The following CSRNP3 variants were observed in gnomAD, a reference collection of about 807,000 sequenced individuals.
The protein encoded by CSRNP3 is cysteine/serine-rich nuclear protein 3.
CSRNP3 carries 12 observed loss-of-function variants against 48.0 expected under a neutral mutation model. That is an observed-to-expected ratio of 0.25 (90% confidence interval 0.16 to 0.41). The LOEUF (loss-of-function observed/expected upper bound fraction) is 0.41, where lower values mean the gene tolerates loss of function less well. Among genes scored for constraint, CSRNP3 ranks in the 10% least tolerant of loss-of-function variants. The pLI is 1.00. For synonymous variants in CSRNP3, 263 were observed against 269.7 expected, an observed-to-expected ratio of 0.98 and a Z score of 0.24; for missense variants, 580 against 724.4, an observed-to-expected ratio of 0.80 and a Z score of 2.29.
Position 165,686,024 on chromosome 2 carries a change from A to C in CSRNP3, c.*6271A>C, listed in dbSNP as rs1230285616. The C allele has an allele frequency of 6.6e-6, 1 of 152,050 alleles. No homozygotes were observed. The highest frequency in any genetic ancestry group is 1.9e-4 in the East Asian group (1 of 5,194). The allele number at this position is 152,050 out of a possible 1,614,324, so 9.4% of individuals were successfully genotyped here. A position where few individuals can be genotyped will look rare whatever the true frequency, so the allele number is the denominator to read the frequency against. On this transcript the variant is annotated 3_prime_UTR_variant, in exon 7 of 7. Transcript: ENST00000651982. ...GCCATTGTCTAAGTTAATTTATGTG[A>C]CCTGATTGAACAGTTTTAGTTGTAA... is the stretch of plus-strand genomic sequence containing the variant.
chr2:165,572,577 T>G, intron 3 of CSRNP3: 1 of 152,314 alleles, frequency 6.6e-6, no homozygotes, highest in Admixed American at 6.5e-5. Flanking sequence ...AGACTACAGT[T>G]ATTTGAACAG....
At chr2:165,633,984 G>A (rs1686585295) in intron 4 of CSRNP3, among the ~76,000 whole-genome samples, 1 of 152,094 alleles carries the variant, frequency 6.6e-6, no homozygotes. Context: ...CCTTATGTCT[G>A]TTACGCTATT....
chr2:165,520,583 A>G (rs1022110797), intron 3 of CSRNP3, among the ~76,000 whole-genome samples: 1 of 151,642 alleles, frequency 6.6e-6, no homozygotes, highest in African/African-American at 2.4e-5. Context: ...TCAGTCTTCC[A>G]AAAGGCAGGT....
chr2:165,496,517 A>G (rs1236848025), intron 2 of CSRNP3, among the ~76,000 whole-genome samples: 5 of 152,142 alleles, frequency 3.3e-5, no homozygotes, highest in Non-Finnish European at 4.4e-5. Context: ...GGAGAGAATG[A>G]GTCCACTGGA....
chr2:165,499,149 G>A (rs542491155), intron 2 of CSRNP3, among the ~76,000 whole-genome samples: 2 of 152,148 alleles, frequency 1.3e-5, no homozygotes, highest in Non-Finnish European at 2.9e-5. Flanking sequence ...AACAAATTTA[G>A]GTAATTAAAA....
chr2:165,584,641 A>T (rs1685598513), intron 3 of CSRNP3, among the ~76,000 whole-genome samples: 1 of 152,228 alleles, frequency 6.6e-6, no homozygotes, highest in Admixed American at 6.5e-5. Flanking sequence ...TTGCTTAAAG[A>T]TTAAACAACA....
intron 1 of CSRNP3, among the ~76,000 whole-genome samples, chr2:165,483,040 GTATGTATATATA>G (rs1684068735): frequency 7.5e-6 from 1 of 134,044 alleles, no homozygotes; most frequent in Non-Finnish European, 1.6e-5. Context: ...GTGTGTGTGT[GTATGTATATATA>G]TATGTATATA....
At chr2:165,563,384 G>C (rs1685258509) in intron 3 of CSRNP3, among the ~76,000 whole-genome samples, 1 of 152,058 alleles carries the variant, frequency 6.6e-6, no homozygotes, top group Non-Finnish European at 1.5e-5. Context: ...GTTCAAATAA[G>C]GTAAACGCCA....
intron 3 of CSRNP3, among the ~76,000 whole-genome samples, chr2:165,584,640 G>T (rs1393437901): frequency 1.3e-5 from 2 of 152,180 alleles, no homozygotes; most frequent in Non-Finnish European, 2.9e-5. Flanking sequence ...TTTGCTTAAA[G>T]ATTAAACAAC....
At chr2:165,594,904 AT>A (rs1685784085) in intron 3 of CSRNP3, 138 bp from the exon 4 acceptor site, 1 of 546,010 alleles carries the variant, frequency 1.8e-6, no homozygotes, top group Non-Finnish European at 3.0e-6. Context: ...AGAAAAAAAA[AT>A]CTGCTAAAGA....
chr2:165,650,863 T>C (rs574807508), intron 4 of CSRNP3, among the ~76,000 whole-genome samples: 21 of 152,376 alleles, frequency 1.4e-4, no homozygotes, highest in Admixed American at 1.3e-3. Flanking sequence ...GATAAGTTTA[T>C]TATTGACTTT....
At chr2:165,581,393 A>C (rs1240994351) in intron 3 of CSRNP3, among the ~76,000 whole-genome samples, 1 of 152,178 alleles carries the variant, frequency 6.6e-6, no homozygotes, top group Non-Finnish European at 1.5e-5. Flanking sequence ...CAATTTAGCC[A>C]TTGGGGTGAA....
At chr2:165,519,471 G>A (rs965318632) in intron 3 of CSRNP3, among the ~76,000 whole-genome samples, 1 of 152,152 alleles carries the variant, frequency 6.6e-6, no homozygotes, top group East Asian at 1.9e-4. Context: ...CTTGAAGTGC[G>A]CAGCACTGTA....
intron 4 of CSRNP3, among the ~76,000 whole-genome samples, chr2:165,610,984 T>A (rs1190815804): frequency 6.6e-6 from 1 of 152,158 alleles, no homozygotes; most frequent in Non-Finnish European, 1.5e-5. Flanking sequence ...AAGCATGAAT[T>A]TTGAGTAAAG....
At chr2:165,534,004 T>C (rs1274228937) in intron 3 of CSRNP3, among the ~76,000 whole-genome samples, 2 of 151,992 alleles carry the variant, frequency 1.3e-5, no homozygotes, top group South Asian at 2.1e-4. Flanking sequence ...TAGGAAACAA[T>C]GAATTCTTCT....
In CSRNP3 at chr2:165,666,500, AAG is replaced by A. The variant is rs1158533846; in HGVS notation, c.408+8489_408+8490del. The stretch of plus-strand genomic sequence containing the variant: ...AAGACAGAGAGGAAGGAAGGGAGGA[AAG>A]AGAGAGAGGAAGAAAGAAAGACAGA... On this transcript the variant is annotated intron_variant, in intron 5 of 6. Coordinates refer to ENST00000651982, the MANE Select transcript of CSRNP3 (RefSeq NM_001172173.2). Among the ~76,000 whole-genome samples the A allele has an allele frequency of 7.2e-5, 3 of 41,882 alleles. 1 individual carries two copies. Among genetic ancestry groups the A allele is most frequent in the African/African-American group, 1.8e-4 (3 of 16,518 alleles). The allele number at this position is 41,882 out of a possible 152,430, so 27.5% of individuals were successfully genotyped here.
At chr2:165,528,953 C>T (rs1423400685) in intron 3 of CSRNP3, among the ~76,000 whole-genome samples, 1 of 152,162 alleles carries the variant, frequency 6.6e-6, no homozygotes, top group Admixed American at 6.5e-5. Context: ...ACTTGGGCAT[C>T]CCTGTGATCC....
intron 2 of CSRNP3, among the ~76,000 whole-genome samples, chr2:165,507,133 C>G (rs185732694): frequency 1.2e-4 from 19 of 152,226 alleles, no homozygotes; most frequent in Admixed American, 8.5e-4. Context: ...CTATCACATT[C>G]TGTTCCGTTT....
intron 4 of CSRNP3, among the ~76,000 whole-genome samples, chr2:165,596,577 T>C (rs1685815057): frequency 1.3e-5 from 2 of 152,200 alleles, no homozygotes. Flanking sequence ...ATGATTATAA[T>C]TATTATAGCA....
Sources: allele counts gnomAD v4.1 joint callset (sites outside exome capture counted in the v4.1 genomes callset), GRCh38; gene constraint gnomAD v4.1.1; transcripts MANE v1.5; gene names NCBI Gene and HGNC (gene_info 2026-07-23, HGNC 2026-07-21).